Variants in ADARB2 observed in about 807,000 individuals in gnomAD.
ADARB2 encodes adenosine deaminase RNA specific B2 (inactive).
ADARB2 carries 25 observed loss-of-function variants against 62.2 expected under a neutral mutation model. The ratio of observed to expected loss-of-function variants is 0.40; its 90% confidence interval spans 0.29 to 0.56. ADARB2 has a LOEUF of 0.56. Ranked by LOEUF, ADARB2 falls within the 20% of genes least tolerant of loss-of-function variation. The pLI is 0.43. For synonymous variants in ADARB2, 572 were observed against 500.8 expected (o/e 1.14, Z -1.90); for missense variants, 1,071 against 1,077.4 (o/e 0.99, Z 0.08).
chr10:1,260,406 T>C (rs890865922), intron 4 of ADARB2, among the ~76,000 whole-genome samples: 4 of 151,830 alleles, frequency 2.6e-5, no homozygotes, highest in African/African-American at 7.3e-5. Context: ...GAAAACCCCA[T>C]TGTCTCAGCC....
chr10:1,287,594 TGG>T (rs1439789068), intron 3 of ADARB2, among the ~76,000 whole-genome samples: 1 of 152,214 alleles, frequency 6.6e-6, no homozygotes, highest in Non-Finnish European at 1.5e-5. Context: ...ACATAGATGC[TGG>T]GTAGATTTTG....
At chr10:1,713,434 TTGGTGAAGGAGG>T (rs1008231963) in intron 1 of ADARB2, among the ~76,000 whole-genome samples, 11 of 152,090 alleles carry the variant, frequency 7.2e-5, no homozygotes, top group African/African-American at 2.7e-4. Context: ...GGGGCGAAGC[TTGGTGAAGGAGG>T]TGGGAAAGGA....
intron 7 of ADARB2, among the ~76,000 whole-genome samples, chr10:1,211,135 CATCTA>C (rs1269837208): frequency 2.7e-5 from 4 of 147,944 alleles, no homozygotes; most frequent in African/African-American, 9.8e-5. Flanking sequence ...GTCGATCAGT[CATCTA>C]ATCTATAATC....
At chr10:1,328,248 G>A (rs11250418) in intron 3 of ADARB2, among the ~76,000 whole-genome samples, 71,854 of 152,028 alleles carry the variant, frequency 0.47, 17,895 homozygotes, top group African/African-American at 0.64. Context: ...TGGGAGGCAA[G>A]GAGGGATTCT....
At chr10:1,383,462 T>C (rs1193814422) in intron 1 of ADARB2, among the ~76,000 whole-genome samples, 1 of 152,032 alleles carries the variant, frequency 6.6e-6, no homozygotes, top group East Asian at 1.9e-4. Flanking sequence ...TGGCTTATTT[T>C]CCCTGAAAGG....
chr10:1,379,234 A>G (rs1196905942), intron 1 of ADARB2, 74 bp from the exon 2 acceptor site: 7 of 1,258,230 alleles, frequency 5.6e-6, no homozygotes, highest in Non-Finnish European at 7.0e-6. Context: ...ATAAGTTCTT[A>G]TTACTGAATG....
At chr10:1,577,967 T>C (rs1459711830) in intron 1 of ADARB2, among the ~76,000 whole-genome samples, 5 of 152,118 alleles carry the variant, frequency 3.3e-5, no homozygotes, top group African/African-American at 1.2e-4. Context: ...CTGCAAGCCA[T>C]GAAGAGAAGC....
At chr10:1,278,010 C>T (rs113043397) in intron 3 of ADARB2, among the ~76,000 whole-genome samples, 1,568 of 152,088 alleles carry the variant, frequency 0.01, 23 homozygotes, top group African/African-American at 0.034. Context: ...AGTTCTGTCA[C>T]CCAGGCTGGA....
chr10:1,435,317 G>A (rs1360608339), intron 1 of ADARB2, among the ~76,000 whole-genome samples: 1 of 152,220 alleles, frequency 6.6e-6, no homozygotes, highest in African/African-American at 2.4e-5. Context: ...ACTCAAGGGA[G>A]GGTGTGAAGC....
intron 1 of ADARB2, among the ~76,000 whole-genome samples, chr10:1,498,815 CATTA>C (rs1831724295): frequency 2.0e-5 from 3 of 152,176 alleles, no homozygotes. Flanking sequence ...ATCATTCATT[CATTA>C]TTCACTCATC....
At chr10:1,518,005 A>G in intron 1 of ADARB2, among the ~76,000 whole-genome samples, 1 of 152,190 alleles carries the variant, frequency 6.6e-6, no homozygotes, top group East Asian at 1.9e-4. Flanking sequence ...TATCAGTCCC[A>G]CATCACTCTG....
intron 1 of ADARB2, among the ~76,000 whole-genome samples, chr10:1,553,239 T>C (rs1261027165): frequency 6.6e-6 from 1 of 152,252 alleles, no homozygotes; most frequent in Non-Finnish European, 1.5e-5. Context: ...CTGTCATAAA[T>C]TGACATCTGT....
chr10:1,224,742 G>C (rs1267577466), intron 6 of ADARB2, among the ~76,000 whole-genome samples: 1 of 151,936 alleles, frequency 6.6e-6, no homozygotes, highest in African/African-American at 2.4e-5. Flanking sequence ...GGTTTTGAGT[G>C]AGTTTCTTTC....
chr10:1,611,122 G>A (rs1833565277), intron 1 of ADARB2, among the ~76,000 whole-genome samples: 1 of 152,182 alleles, frequency 6.6e-6, no homozygotes, highest in African/African-American at 2.4e-5. Context: ...CAAGGGAGGG[G>A]GAGGAAACCT....
intron 3 of ADARB2, among the ~76,000 whole-genome samples, chr10:1,312,869 G>A (rs1373745944): frequency 1.3e-5 from 2 of 152,226 alleles, no homozygotes; most frequent in Non-Finnish European, 2.9e-5. Flanking sequence ...CACAGCCACT[G>A]CTGCACTGAG....
At chr10:1,694,649 T>C (rs1834714958) in intron 1 of ADARB2, among the ~76,000 whole-genome samples, 1 of 152,182 alleles carries the variant, frequency 6.6e-6, no homozygotes, top group East Asian at 1.9e-4. Flanking sequence ...AACACTCAAA[T>C]CGATCAATCC....
chr10:1,287,342 A>C (rs1831423275), intron 3 of ADARB2, among the ~76,000 whole-genome samples: 1 of 152,244 alleles, frequency 6.6e-6, no homozygotes, highest in Non-Finnish European at 1.5e-5. Context: ...TGGGATGATC[A>C]TATCAGGCTG....
chr10:1,575,924 C>T (rs1159949166), intron 1 of ADARB2, among the ~76,000 whole-genome samples: 1 of 55,274 alleles, frequency 1.8e-5, no homozygotes, highest in Non-Finnish European at 4.0e-5. Flanking sequence ...GAGAGGGGCA[C>T]CTATAGCTGC....
At chr10:1,419,403 T>C (rs1832834447) in intron 1 of ADARB2, among the ~76,000 whole-genome samples, 1 of 152,234 alleles carries the variant, frequency 6.6e-6, no homozygotes, top group African/African-American at 2.4e-5. Context: ...TAGCTTAGAA[T>C]TTAATGTATG....
Sources: gnomAD v4.1 joint callset for allele counts (sites outside exome capture counted in the v4.1 genomes callset) on GRCh38, gnomAD v4.1.1 for gene constraint, MANE v1.5 for transcripts, NCBI Gene and HGNC (gene_info 2026-07-23, HGNC 2026-07-21) for gene names.